OXR1: variants seen among roughly 807,000 people sequenced by gnomAD.
The protein encoded by OXR1 is oxidation resistance 1.
In OXR1, 41 loss-of-function variants were observed where a neutral mutation model predicts 104.6. The observed-to-expected ratio is 0.39, with a 90% CI of 0.31 to 0.51. OXR1 has a LOEUF of 0.51. OXR1 is among the 20% of genes least tolerant of loss of function. The pLI is 0.77. For synonymous variants in OXR1, 348 were observed against 348.4 expected, an observed-to-expected ratio of 1.00 and a Z score of 0.01; for missense variants, 955 against 1,031.9, an observed-to-expected ratio of 0.93 and a Z score of 1.02.
intron 3 of OXR1, among the ~76,000 whole-genome samples, chr8:106,599,333 T>C (rs890969479): frequency 2.0e-5 from 3 of 152,180 alleles, no homozygotes; most frequent in African/African-American, 7.2e-5. Context: ...TCAAATGTAA[T>C]TGTAACTCAG....
At chr8:106,309,603 A>G (rs557998354) in intron 1 of OXR1, among the ~76,000 whole-genome samples, 20 of 152,014 alleles carry the variant, frequency 1.3e-4, no homozygotes, top group African/African-American at 4.6e-4. Context: ...AAAATGAACA[A>G]AATGAATATT....
chr8:106,427,137 T>G (rs1394208153), intron 2 of OXR1, among the ~76,000 whole-genome samples: 1 of 152,136 alleles, frequency 6.6e-6, no homozygotes, highest in Non-Finnish European at 1.5e-5. Context: ...GTGAATGATA[T>G]GGGTCTCAGA....
intron 1 of OXR1, among the ~76,000 whole-genome samples, chr8:106,331,580 C>A (rs1459860180): frequency 2.6e-5 from 4 of 151,660 alleles, no homozygotes; most frequent in African/African-American, 7.3e-5. Flanking sequence ...GTCGTAAATC[C>A]CATTCTGAAA....
At chr8:106,487,339 CTTT>C (rs71307062) in intron 2 of OXR1, among the ~76,000 whole-genome samples, 2 of 129,206 alleles carry the variant, frequency 1.5e-5, no homozygotes, top group African/African-American at 2.8e-5. Flanking sequence ...CCAGGTATTT[CTTT>C]TTTTTTTTTT....
At chr8:106,626,282 G>T (rs3110422) in intron 3 of OXR1, among the ~76,000 whole-genome samples, 90,881 of 151,150 alleles carry the variant, frequency 0.6, 28,413 homozygotes, top group African/African-American at 0.79. Context: ...CTAAAAAGCC[G>T]TTTCACCCTA....
At chr8:106,625,644 G>A (rs1332796821) in intron 3 of OXR1, among the ~76,000 whole-genome samples, 1 of 152,184 alleles carries the variant, frequency 6.6e-6, no homozygotes, top group African/African-American at 2.4e-5. Flanking sequence ...AGGAGAGCAG[G>A]ACAGCTTAGG....
chr8:106,727,799 C>G (rs1448835483), intron 11 of OXR1, among the ~76,000 whole-genome samples: 3 of 152,162 alleles, frequency 2.0e-5, no homozygotes. Flanking sequence ...GCTTCCTACT[C>G]ATTGGTCATT....
chr8:106,586,574 A>G (rs1818647534), intron 3 of OXR1, among the ~76,000 whole-genome samples: 1 of 152,194 alleles, frequency 6.6e-6, no homozygotes, highest in African/African-American at 2.4e-5. Flanking sequence ...TACTAGAAAT[A>G]TTGATTTAGG....
At chr8:106,590,275 TTTGTTGTTG>T (rs537746922) in intron 3 of OXR1, among the ~76,000 whole-genome samples, 18 of 151,868 alleles carry the variant, frequency 1.2e-4, no homozygotes, top group East Asian at 3.9e-4. Context: ...GTTTTTGGTT[TTTGTTGTTG>T]TTGTTGTTGT....
intron 3 of OXR1, among the ~76,000 whole-genome samples, chr8:106,519,753 G>A (rs1483566881): frequency 6.6e-6 from 1 of 152,172 alleles, no homozygotes; most frequent in Non-Finnish European, 1.5e-5. Context: ...CTTGGGTTGT[G>A]CAGGCATTAC....
Position 106,751,596 on chromosome 8 carries a change from G to A in OXR1, c.*655G>A, listed in dbSNP as rs1835893143. On this transcript the variant is annotated 3_prime_UTR_variant, in exon 17 of 17. Transcript: ENST00000517566. The stretch of plus-strand genomic sequence containing the variant: ...GACAGTACATATGATCTGCAGGTTT[G>A]GGCATATGCTTTCATCATTAAATTA... The A allele has an allele frequency of 6.6e-6, 1 of 152,494 alleles. No individual in the cohort carries two copies. The highest frequency in any genetic ancestry group is 1.5e-5 in the Non-Finnish European group (1 of 67,980). 9.4% of individuals were successfully genotyped at this position (152,494 alleles called of 1,614,324 possible).
chr8:106,456,886 G>T (rs765414749), intron 2 of OXR1, among the ~76,000 whole-genome samples: 1 of 152,156 alleles, frequency 6.6e-6, no homozygotes, highest in Non-Finnish European at 1.5e-5. Context: ...GTATGTGTGT[G>T]TGTTCTTTCT....
intron 1 of OXR1, among the ~76,000 whole-genome samples, chr8:106,289,814 C>A (rs1383382928): frequency 1.3e-5 from 2 of 152,108 alleles, no homozygotes; most frequent in Non-Finnish European, 2.9e-5. Flanking sequence ...GGGAGTGACC[C>A]AGTGGGAAGT....
intron 3 of OXR1, among the ~76,000 whole-genome samples, chr8:106,563,764 AAG>A (rs1816863972): frequency 6.6e-6 from 1 of 152,214 alleles, no homozygotes; most frequent in Non-Finnish European, 1.5e-5. Context: ...GCAAATGCAA[AAG>A]AACAGAAATC....
chr8:106,454,622 G>A (rs1820501190), intron 2 of OXR1, among the ~76,000 whole-genome samples: 1 of 152,002 alleles, frequency 6.6e-6, no homozygotes, highest in Non-Finnish European at 1.5e-5. Context: ...TTTCAGAGGT[G>A]TTAAAATGTT....
intron 8 of OXR1, among the ~76,000 whole-genome samples, chr8:106,703,920 T>A (rs2131360999): frequency 6.6e-6 from 1 of 152,308 alleles, no homozygotes; most frequent in South Asian, 2.1e-4. Flanking sequence ...GATATTTATA[T>A]CCCTGTATTA....
chr8:106,403,067 G>A (rs896410820), intron 2 of OXR1, among the ~76,000 whole-genome samples: 8 of 152,134 alleles, frequency 5.3e-5, no homozygotes, highest in Admixed American at 3.9e-4. Flanking sequence ...TGATCCACCC[G>A]TCTCGGCCTC....
chr8:106,671,830 AG>A (rs1344830745), intron 3 of OXR1, among the ~76,000 whole-genome samples: 2 of 81,740 alleles, frequency 2.4e-5, no homozygotes, highest in Non-Finnish European at 4.6e-5. Context: ...GGGTGGGGGG[AG>A]GGGGGAGGGA....
In OXR1 at chr8:106,624,899, C is replaced by G. The variant is rs190467043; in HGVS notation, c.221-54311C>G. Among the ~76,000 whole-genome samples, 15 of 152,064 alleles carry G rather than the reference C, an allele frequency of 9.9e-5. 1 individual carries two copies. The highest frequency in any genetic ancestry group is 1.6e-4 in the Non-Finnish European group (11 of 68,016). ...TTGACCTCCCTGAGCTCAAGTGATC[C>G]TCCCACCTCAACACACTAAGGAGCT... On this transcript the variant is annotated intron_variant, in intron 3 of 16. Coordinates refer to ENST00000517566, the MANE Select transcript of OXR1 (RefSeq NM_001198533.2).
Sources: allele counts gnomAD v4.1 joint callset (sites outside exome capture counted in the v4.1 genomes callset), GRCh38; gene constraint gnomAD v4.1.1; transcripts MANE v1.5; gene names NCBI Gene and HGNC (gene_info 2026-07-23, HGNC 2026-07-21).